The following GNAQ variants were observed in gnomAD, a reference collection of about 807,000 sequenced individuals.
GNAQ encodes the protein guanine nucleotide-binding protein G(q) subunit alpha.
A neutral mutation model predicts 43.9 loss-of-function variants in GNAQ; 8 were observed. The ratio of observed to expected loss-of-function variants is 0.18; its 90% CI spans 0.11 to 0.33. The LOEUF (loss-of-function observed/expected upper bound fraction) is 0.33. Ranked by LOEUF, GNAQ falls within the 10% of genes least tolerant of loss-of-function variation. GNAQ has a pLI of 1.00. For missense variants in GNAQ, 158 were observed against 450.8 expected, an observed-to-expected ratio of 0.35 and a Z score of 5.88; for synonymous variants, 155 against 170.7, an observed-to-expected ratio of 0.91 and a Z score of 0.71.
At position 77,830,966 on chromosome 9, in the gene GNAQ, CAGTT is replaced by C. The variant is rs202189806; in HGVS notation, c.322-15200_322-15197del. 1.0e-3 allele frequency among the ~76,000 whole-genome samples: 158 copies of C among 152,252 alleles called. 2 individuals carry two copies. In the East Asian group the frequency reaches 0.025, roughly 24 times the overall value. Reference sequence around the variant, plus strand: ...TAAACATGAATAATGCAACATCTTTCAGTTAGTTTGAAAGAACAGCTGACATCAG... The same window carrying C: ...TAAACATGAATAATGCAACATCTTTCAGTTTGAAAGAACAGCTGACATCAG... On this transcript the variant is annotated intron_variant, in intron 2 of 6. Transcript: ENST00000286548.
At chr9:77,937,093 T>C (rs1380495097) in intron 1 of GNAQ, among the ~76,000 whole-genome samples, 1 of 152,240 alleles carries the variant, frequency 6.6e-6, no homozygotes, top group Non-Finnish European at 1.5e-5. Context: ...TTAATTTTTT[T>C]CTAAATAACG....
intron 1 of GNAQ, among the ~76,000 whole-genome samples, chr9:77,927,111 TC>T (rs958497165): frequency 1.8e-4 from 28 of 151,962 alleles, no homozygotes; most frequent in Non-Finnish European, 5.9e-5. Context: ...GGCCTTTTCT[TC>T]CCCCCAAGAT....
At chr9:77,800,147 T>C (rs1396035240) in intron 3 of GNAQ, among the ~76,000 whole-genome samples, 1 of 151,980 alleles carries the variant, frequency 6.6e-6, no homozygotes, top group Non-Finnish European at 1.5e-5. Flanking sequence ...AGTTCAACCA[T>C]TGTGGAAGTC....
intron 5 of GNAQ, among the ~76,000 whole-genome samples, chr9:77,753,102 A>AG (rs1160992513): frequency 1.0e-3 from 152 of 151,532 alleles, no homozygotes; most frequent in African/African-American, 3.4e-3. Flanking sequence ...AAAAAAAAAA[A>AG]AAAAGAAAAA....
intron 1 of GNAQ, among the ~76,000 whole-genome samples, chr9:77,925,461 A>G (rs1265549494): frequency 1.3e-5 from 2 of 152,262 alleles, no homozygotes; most frequent in African/African-American, 2.4e-5. Context: ...CAATTTAAAA[A>G]TATCTCATCT....
At chr9:77,900,724 C>T (rs1293516271) in intron 2 of GNAQ, among the ~76,000 whole-genome samples, 1 of 152,006 alleles carries the variant, frequency 6.6e-6, no homozygotes, top group Admixed American at 6.6e-5. Flanking sequence ...TCATGTTTTC[C>T]CACAATCCTT....
At chr9:77,917,291 C>T (rs1828923988) in intron 2 of GNAQ, among the ~76,000 whole-genome samples, 1 of 151,898 alleles carries the variant, frequency 6.6e-6, no homozygotes, top group South Asian at 2.1e-4. Flanking sequence ...ATATCCTTTC[C>T]TTTTTAATTA....
chr9:77,967,173 C>G lies in GNAQ; in HGVS notation c.137-44828G>C, dbSNP rs1394337170. 2.0e-5 allele frequency among the ~76,000 whole-genome samples: 3 copies of G among 152,184 alleles called. No homozygotes were observed. The East Asian group carries it at 5.8e-4, about 29-fold the overall frequency. ...TGCATCTCAGGAAAAGGGTATCATG[C>G]CACTATTGCAGAATGGGAAGCTGCC... On this transcript the variant is annotated intron_variant, in intron 1 of 6. Coordinates refer to ENST00000286548, the MANE Select transcript of GNAQ (RefSeq NM_002072.5).
At chr9:77,782,377 C>A (rs1427720342) in intron 5 of GNAQ, among the ~76,000 whole-genome samples, 1 of 152,034 alleles carries the variant, frequency 6.6e-6, no homozygotes, top group Admixed American at 6.5e-5. Flanking sequence ...ACATAGAAGG[C>A]AAATAAATAT....
intron 1 of GNAQ, among the ~76,000 whole-genome samples, chr9:78,017,031 A>T (rs1211546610): frequency 2.0e-5 from 3 of 152,234 alleles, no homozygotes; most frequent in Non-Finnish European, 4.4e-5. Flanking sequence ...CATGAAAAGA[A>T]TCATACAGCG....
At chr9:77,801,969 C>A (rs1587922843) in intron 3 of GNAQ, among the ~76,000 whole-genome samples, 2 of 152,188 alleles carry the variant, frequency 1.3e-5, no homozygotes, top group East Asian at 3.9e-4. Context: ...GAGTTTGAGA[C>A]CAGCCTGGAC....
At chr9:77,874,684 G>A (rs1012779423) in intron 2 of GNAQ, among the ~76,000 whole-genome samples, 3 of 151,952 alleles carry the variant, frequency 2.0e-5, no homozygotes, top group Admixed American at 6.6e-5. Flanking sequence ...GAGTGTCATA[G>A]CGCGATCATG....
chr9:77,826,598 T>C (rs1489034958), intron 2 of GNAQ, among the ~76,000 whole-genome samples: 6 of 152,158 alleles, frequency 3.9e-5, no homozygotes, highest in African/African-American at 1.4e-4. Context: ...TCAGGGGTGG[T>C]CATATGCACA....
At chr9:78,013,085 G>A (rs1192159453) in intron 1 of GNAQ, among the ~76,000 whole-genome samples, 2 of 152,178 alleles carry the variant, frequency 1.3e-5, no homozygotes, top group Admixed American at 1.3e-4. Flanking sequence ...CTAGGAATCC[G>A]TAATCAGGAG....
intron 1 of GNAQ, among the ~76,000 whole-genome samples, chr9:77,958,024 C>T (rs1197857562): frequency 6.6e-6 from 1 of 152,130 alleles, no homozygotes; most frequent in African/African-American, 2.4e-5. Context: ...TCTTAAAATA[C>T]AAATTTTGCC....
intron 2 of GNAQ, among the ~76,000 whole-genome samples, chr9:77,900,189 G>T: frequency 6.6e-6 from 1 of 152,102 alleles, no homozygotes; most frequent in East Asian, 1.9e-4. Context: ...TCTCATACTT[G>T]TGGTATACGT....
rs751756113 is a variant in GNAQ at position 77,924,602 on chromosome 9, T to C, written c.137-2257A>G. Among the ~76,000 whole-genome samples, 39 of 152,274 alleles carry C rather than the reference T, an allele frequency of 2.6e-4. 1 individual carries two copies. The highest frequency in any genetic ancestry group is 7.8e-4 in the Admixed American group (12 of 15,294). ...TATATGAAGTATAAGCACACTGGCA[T>C]GTGTTTAAATGAAATCACGTTGGGC... On this transcript the variant is annotated intron_variant, in intron 1 of 6. Coordinates refer to ENST00000286548, the MANE Select transcript of GNAQ (RefSeq NM_002072.5).
intron 2 of GNAQ, among the ~76,000 whole-genome samples, chr9:77,876,515 TAA>T (rs369724128): frequency 1.3e-5 from 2 of 152,232 alleles, no homozygotes; most frequent in African/African-American, 4.8e-5. Flanking sequence ...GGACTTATTA[TAA>T]TTGTTGTTGC....
At chr9:77,729,043 A>G (rs1825444067) in intron 5 of GNAQ, among the ~76,000 whole-genome samples, 1 of 152,220 alleles carries the variant, frequency 6.6e-6, no homozygotes, top group Admixed American at 6.5e-5. Context: ...AGGACTAGAT[A>G]TGGCTTCATT....
Sources: gnomAD v4.1 joint callset for allele counts (sites outside exome capture counted in the v4.1 genomes callset) on GRCh38, gnomAD v4.1.1 for gene constraint, MANE v1.5 for transcripts, NCBI Gene and HGNC (gene_info 2026-07-23, HGNC 2026-07-21) for gene names.